Variants in PKHD1L1 observed in about 807,000 individuals in gnomAD.
PKHD1L1 encodes the protein fibrocystin-L.
In PKHD1L1, 434 loss-of-function variants were observed where a neutral mutation model predicts 462.9. The observed-to-expected ratio is 0.94, with a 90% confidence interval of 0.87 to 1.02. The LOEUF is 1.02. Among genes scored for constraint, PKHD1L1 ranks in the 50% least tolerant of loss-of-function variants. The probability of loss-of-function intolerance (pLI) is 0.00; values close to 1 mark genes in which losing one functional copy is unlikely to be tolerated. For synonymous variants in PKHD1L1, 1,781 were observed against 1,750.0 expected (o/e 1.02, Z -0.44); for missense variants, 5,202 against 5,096.1 (o/e 1.02, Z -0.63).
At chr8:109,406,530 T>G (rs1813546226) in intron 17 of PKHD1L1, 52 bp downstream of exon 17, 1 of 1,475,006 alleles carries the variant, frequency 6.8e-7, no homozygotes, top group Admixed American at 2.5e-5. Context: ...GTATATCCTG[T>G]GCCACTCTAA....
intron 2 of PKHD1L1, among the ~76,000 whole-genome samples, chr8:109,377,918 G>A (rs777818180): frequency 6.6e-6 from 1 of 152,036 alleles, no homozygotes; most frequent in African/African-American, 2.4e-5. Flanking sequence ...ACTTCCAAAT[G>A]TAGTTTTGAA....
intron 30 of PKHD1L1, among the ~76,000 whole-genome samples, chr8:109,436,970 C>CAAT (rs1189573100): frequency 6.6e-6 from 1 of 152,226 alleles, no homozygotes; most frequent in Admixed American, 6.5e-5. Flanking sequence ...GTCTGTAGTG[C>CAAT]AATGGCACGA....
At chr8:109,476,487 T>C (rs940866892) in intron 51 of PKHD1L1, 21 bp from the exon 52 acceptor site, 2 of 1,380,828 alleles carry the variant, frequency 1.4e-6, no homozygotes, top group Non-Finnish European at 2.0e-6. Flanking sequence ...ACAAGTCACA[T>C]TTTTCTATAA....
intron 76 of PKHD1L1, among the ~76,000 whole-genome samples, chr8:109,524,083 T>A (rs1820698425): frequency 6.6e-6 from 1 of 152,144 alleles, no homozygotes; most frequent in South Asian, 2.1e-4. Flanking sequence ...AGATGATATA[T>A]CCCTGAACAG....
intron 27 of PKHD1L1, among the ~76,000 whole-genome samples, chr8:109,432,658 A>G (rs1281927112): frequency 6.6e-6 from 1 of 152,200 alleles, no homozygotes; most frequent in Non-Finnish European, 1.5e-5. Context: ...TGAGATGTGT[A>G]TCACCATAAA....
At chr8:109,523,436 A>G in intron 76 of PKHD1L1, 50 bp downstream of exon 76, 2 of 1,479,050 alleles carry the variant, frequency 1.4e-6, no homozygotes, top group Non-Finnish European at 1.8e-6. Flanking sequence ...AATAGAGACA[A>G]TTATAATGTT....
At chr8:109,521,349 A>G (rs1820542251) in intron 73 of PKHD1L1, among the ~76,000 whole-genome samples, 1 of 152,172 alleles carries the variant, frequency 6.6e-6, no homozygotes, top group Non-Finnish European at 1.5e-5. Flanking sequence ...ATACACCAAA[A>G]CATTATCCTG....
At chr8:109,404,520 A>G (rs751691668) in intron 14 of PKHD1L1, 34 bp from the exon 15 acceptor site, 81 of 1,348,774 alleles carry the variant, frequency 6.0e-5, no homozygotes, top group Non-Finnish European at 8.0e-5. Flanking sequence ...TGTTCTGGAA[A>G]AAAGTTATAT....
chr8:109,438,216 A>T, intron 30 of PKHD1L1, 108 bp from the exon 31 acceptor site: 1 of 838,222 alleles, frequency 1.2e-6, no homozygotes, highest in Non-Finnish European at 1.7e-6. Flanking sequence ...CTTGACTTTG[A>T]AGTAAAACAT....
chr8:109,389,177 T>C, intron 8 of PKHD1L1, 25 bp downstream of exon 8: 1 of 1,564,992 alleles, frequency 6.4e-7, no homozygotes, highest in Non-Finnish European at 8.8e-7. Context: ...TCTTTCTTCA[T>C]AATGCTCACA....
rs1469637020 is a variant in PKHD1L1, at chr8:109,362,694, C to T, written c.73+41C>T. 3.9e-6 allele frequency: 6 copies of T among 1,553,194 alleles called. No individual in the cohort carries two copies. In the South Asian group the frequency reaches 7.1e-5, roughly 18 times the overall value. On this transcript the variant is annotated intron_variant, in intron 1 of 77. Transcript: ENST00000378402. ...CGCTAGGCAGGCAAGCAGGAGAGGC[C>T]CGCGTAGACACTACCCCTGCTCCCG... is the stretch of plus-strand genomic sequence containing the variant.
At chr8:109,521,766 T>G (rs537455227) in intron 73 of PKHD1L1, among the ~76,000 whole-genome samples, 2 of 152,318 alleles carry the variant, frequency 1.3e-5, no homozygotes, top group East Asian at 3.9e-4. Context: ...TATTAATACA[T>G]ACACATAATA....
chr8:109,521,085 C>G (rs1253937710), intron 73 of PKHD1L1, among the ~76,000 whole-genome samples: 4 of 152,118 alleles, frequency 2.6e-5, no homozygotes, highest in African/African-American at 7.2e-5. Flanking sequence ...AAAGACTGAG[C>G]CTTTTTCCAA....
In PKHD1L1 at chr8:109,377,571, A is replaced by T. The variant is rs539008304; in HGVS notation, c.164-3799A>T. Among the ~76,000 whole-genome samples, 5 of 152,316 alleles carry T rather than the reference A, an allele frequency of 3.3e-5. No individual in the cohort carries two copies. The South Asian group carries it at 1.0e-3, about 32-fold the overall frequency. ...TAAGAACCTGTGATAGAGAAAAATA[A>T]TATTTAAAAATTCACATACTGTTAG... On this transcript the variant is annotated intron_variant, in intron 2 of 77. Coordinates refer to ENST00000378402, the MANE Select transcript of PKHD1L1 (RefSeq NM_177531.6).
chr8:109,377,231 A>G lies in PKHD1L1; in HGVS notation c.164-4139A>G, dbSNP rs147352325. 2.0e-5 allele frequency among the ~76,000 whole-genome samples: 3 copies of G among 150,460 alleles called. No individual in the cohort carries two copies. The East Asian group carries it at 5.8e-4, about 29-fold the overall frequency. On this transcript the variant is annotated intron_variant, in intron 2 of 77. Transcript: ENST00000378402. Reference sequence around the variant, plus strand: ...TGCTAACATTGTAAGGTAAGTAACAAATACTTATCTTTTTATAATGTTAGT... The same window carrying G: ...TGCTAACATTGTAAGGTAAGTAACAGATACTTATCTTTTTATAATGTTAGT...
Position 109,510,973 on chromosome 8 carries a change from T to C in PKHD1L1, c.11553+39T>C, listed in dbSNP as rs749737184. ...TCTTAAGAGTAATTGCTGTTGATTA[T>C]TTGCATGTTATTTCTATCTGCTAAG... is the stretch of plus-strand genomic sequence containing the variant. On this transcript the variant is annotated intron_variant, in intron 71 of 77. Coordinates refer to ENST00000378402, the MANE Select transcript of PKHD1L1 (RefSeq NM_177531.6). The C allele has an allele frequency of 4.4e-6, 7 of 1,594,674 alleles. No individual in the cohort carries two copies. The South Asian group carries it at 7.9e-5, about 18-fold the overall frequency.
intron 5 of PKHD1L1, among the ~76,000 whole-genome samples, chr8:109,385,300 G>C (rs1298541801): frequency 6.8e-6 from 1 of 146,242 alleles, no homozygotes; most frequent in East Asian, 2.0e-4. Context: ...CTGTACTTGT[G>C]GAATACCATC....
rs140922101 is a variant in PKHD1L1 at position 109,412,632 on chromosome 8, A to G, written c.2235+218A>G. The stretch of plus-strand genomic sequence containing the variant: ...TATATATATGTATATAGCACCATAT[A>G]TCATGTATTATATTTCTCTTTTAAT... On this transcript the variant is annotated intron_variant, in intron 20 of 77. Coordinates refer to ENST00000378402, the MANE Select transcript of PKHD1L1 (RefSeq NM_177531.6). Among the ~76,000 whole-genome samples, 273 of 152,180 alleles carry G rather than the reference A, an allele frequency of 1.8e-3. 5 individuals carry two copies. The East Asian group carries it at 0.04, about 23-fold the overall frequency.
intron 35 of PKHD1L1, 127 bp downstream of exon 35, chr8:109,442,322 C>T: frequency 2.2e-6 from 2 of 890,778 alleles, no homozygotes; most frequent in Non-Finnish European, 3.2e-6. Flanking sequence ...AGGTATTTGG[C>T]ATTTTATTGC....
Sources: gnomAD v4.1 joint callset for allele counts (sites outside exome capture counted in the v4.1 genomes callset) on GRCh38, gnomAD v4.1.1 for gene constraint, MANE v1.5 for transcripts, NCBI Gene and HGNC (gene_info 2026-07-23, HGNC 2026-07-21) for gene names.